ROBO2: variants seen among roughly 807,000 people sequenced by gnomAD.
ROBO2 encodes roundabout guidance receptor 2.
ROBO2 carries 53 observed loss-of-function variants against 160.8 expected under a neutral mutation model. The ratio of observed to expected loss-of-function variants is 0.33; its 90% CI spans 0.26 to 0.41. The LOEUF is 0.41. Ranked by LOEUF, ROBO2 falls within the 10% of genes least tolerant of loss-of-function variation. The pLI is 1.00. For missense variants in ROBO2, 1,577 were observed against 1,722.4 expected (o/e 0.92, Z 1.49); for synonymous variants, 664 against 611.7 (o/e 1.09, Z -1.26).
intron 2 of ROBO2, among the ~76,000 whole-genome samples, chr3:76,451,597 G>A (rs779366416): frequency 5.3e-5 from 8 of 152,154 alleles, no homozygotes; most frequent in Non-Finnish European, 8.8e-5. Context: ...GGACAATGAT[G>A]TGACCTCCTA....
At chr3:75,935,577 G>A (rs1033501427) in intron 1 of ROBO2, among the ~76,000 whole-genome samples, 3 of 152,006 alleles carry the variant, frequency 2.0e-5, no homozygotes, top group East Asian at 1.9e-4. Flanking sequence ...ATAAACACAC[G>A]TTATCCATAG....
rs141259195 is a variant in ROBO2, at chr3:77,436,664, T to A, written c.389-40750T>A. Among the ~76,000 whole-genome samples the A allele has an allele frequency of 3.2e-3, 489 of 152,044 alleles. 5 individuals are homozygous for A. Among genetic ancestry groups the A allele is most frequent in the African/African-American group, 0.011 (466 of 41,532 alleles). ...TAAAAAGAACATAGAAACTAATTTATGTGTAGAGATACTGGATTTCAGAAT... is the reference window on the plus strand; with the variant it reads ...TAAAAAGAACATAGAAACTAATTTAAGTGTAGAGATACTGGATTTCAGAAT... On this transcript the variant is annotated intron_variant, in intron 2 of 25. Transcript: ENST00000461745.
chr3:77,431,406 C>A (rs2078756890), intron 2 of ROBO2, among the ~76,000 whole-genome samples: 1 of 152,128 alleles, frequency 6.6e-6, no homozygotes, highest in African/African-American at 2.4e-5. Context: ...TGAGGAAAAG[C>A]TAAACATTTT....
chr3:76,326,532 C>G (rs1444509910), intron 2 of ROBO2, among the ~76,000 whole-genome samples: 1 of 151,952 alleles, frequency 6.6e-6, no homozygotes, highest in Non-Finnish European at 1.5e-5. Flanking sequence ...TATTACATTG[C>G]ATAATGCATA....
chr3:77,175,776 A>G (rs761559761), intron 2 of ROBO2, among the ~76,000 whole-genome samples: 1 of 152,162 alleles, frequency 6.6e-6, no homozygotes, highest in African/African-American at 2.4e-5. Context: ...AGGAGCTGCT[A>G]TCTGAACACT....
chr3:77,584,244 G>T (rs2093986753), intron 16 of ROBO2, among the ~76,000 whole-genome samples: 2 of 152,004 alleles, frequency 1.3e-5, no homozygotes, highest in African/African-American at 2.4e-5. Context: ...TTCAGCTGAG[G>T]TCCTAACTGC....
chr3:76,422,507 C>T (rs772553452), intron 2 of ROBO2, among the ~76,000 whole-genome samples: 4 of 152,150 alleles, frequency 2.6e-5, no homozygotes, highest in Non-Finnish European at 2.9e-5. Flanking sequence ...AAACTACTTG[C>T]GTGTTTGATC....
chr3:76,236,924 T>G (rs2107497577), intron 2 of ROBO2, among the ~76,000 whole-genome samples: 1 of 152,186 alleles, frequency 6.6e-6, no homozygotes, highest in East Asian at 1.9e-4. Context: ...TGTTGCATTT[T>G]TTTCCTTTAT....
chr3:77,335,369 C>T (rs761348520), intron 2 of ROBO2, among the ~76,000 whole-genome samples: 1 of 152,074 alleles, frequency 6.6e-6, no homozygotes, highest in Admixed American at 6.6e-5. Context: ...ATCACATCAC[C>T]GCACTCCAGC....
At chr3:77,273,564 G>T (rs1353741849) in intron 2 of ROBO2, among the ~76,000 whole-genome samples, 1 of 152,140 alleles carries the variant, frequency 6.6e-6, no homozygotes, top group African/African-American at 2.4e-5. Flanking sequence ...AATTTCCCTT[G>T]GCTAGTTGGT....
intron 2 of ROBO2, among the ~76,000 whole-genome samples, chr3:76,327,463 G>C (rs2073121353): frequency 6.6e-6 from 1 of 152,032 alleles, no homozygotes; most frequent in Non-Finnish European, 1.5e-5. Flanking sequence ...ATTATTAAAA[G>C]CTAGCTAGAA....
chr3:76,774,829 G>A (rs113677986), intron 2 of ROBO2, among the ~76,000 whole-genome samples: 2,990 of 143,790 alleles, frequency 0.021, 102 homozygotes, highest in African/African-American at 0.071. Context: ...TTTTTTTCCC[G>A]AGAGGTAGTA....
At chr3:76,643,122 G>C (rs2090785013) in intron 2 of ROBO2, among the ~76,000 whole-genome samples, 1 of 152,082 alleles carries the variant, frequency 6.6e-6, no homozygotes, top group African/African-American at 2.4e-5. Flanking sequence ...TTTAAAACTG[G>C]TAATTCTTTT....
intron 2 of ROBO2, among the ~76,000 whole-genome samples, chr3:76,054,435 G>A (rs1164321242): frequency 2.6e-5 from 4 of 152,034 alleles, no homozygotes; most frequent in African/African-American, 4.8e-5. Context: ...ATTCAGAAAC[G>A]GTCAACTAAA....
chr3:76,782,000 T>C (rs2062674777), intron 2 of ROBO2, among the ~76,000 whole-genome samples: 1 of 150,888 alleles, frequency 6.6e-6, no homozygotes, highest in Non-Finnish European at 1.5e-5. Flanking sequence ...GGCTTGTTGT[T>C]GCTCTTGGGA....
intron 2 of ROBO2, among the ~76,000 whole-genome samples, chr3:77,382,133 C>G (rs551024590): frequency 6.6e-6 from 1 of 152,184 alleles, no homozygotes; most frequent in South Asian, 2.1e-4. Flanking sequence ...CAGAAACAAG[C>G]TTTTTAAAGC....
chr3:76,590,956 T>C (rs1161165552), intron 2 of ROBO2, among the ~76,000 whole-genome samples: 2 of 152,216 alleles, frequency 1.3e-5, no homozygotes, highest in Non-Finnish European at 2.9e-5. Flanking sequence ...TGATAAACGA[T>C]ATGTTACATA....
At chr3:77,153,760 A>G (rs1190417319) in intron 2 of ROBO2, among the ~76,000 whole-genome samples, 2 of 152,124 alleles carry the variant, frequency 1.3e-5, no homozygotes, top group Non-Finnish European at 1.5e-5. Context: ...TTAAATCCTT[A>G]TATTCTGTCT....
At chr3:76,397,436 A>G (rs1034829167) in intron 2 of ROBO2, among the ~76,000 whole-genome samples, 1 of 152,088 alleles carries the variant, frequency 6.6e-6, no homozygotes. Context: ...TGTCTAAAAC[A>G]CCAAAAGCAA....
Sources: gnomAD v4.1 joint callset for allele counts (sites outside exome capture counted in the v4.1 genomes callset) on GRCh38, gnomAD v4.1.1 for gene constraint, MANE v1.5 for transcripts, NCBI Gene and HGNC (gene_info 2026-07-23, HGNC 2026-07-21) for gene names.